The following ZFHX3 variants were observed in gnomAD, a reference collection of about 807,000 sequenced individuals.
The protein encoded by ZFHX3 is zinc finger homeobox 3.
A neutral mutation model predicts 279.1 loss-of-function variants in ZFHX3; 42 were observed. That is an observed-to-expected ratio of 0.15 (90% CI 0.12 to 0.19). The LOEUF is 0.19. ZFHX3 is among the 10% of genes least tolerant of loss of function. ZFHX3 has a pLI of 1.00. For missense variants in ZFHX3, 4,981 were observed against 4,754.0 expected, an observed-to-expected ratio of 1.05 and a Z score of -1.40; for synonymous variants, 2,293 against 1,957.8, an observed-to-expected ratio of 1.17 and a Z score of -4.52.
chr16:72,887,050 T>C (rs904229718), intron 4 of ZFHX3, among the ~76,000 whole-genome samples: 2 of 152,194 alleles, frequency 1.3e-5, no homozygotes, highest in African/African-American at 4.8e-5. Context: ...GAACAAACAA[T>C]TTCTACTGAC....
intron 1 of ZFHX3, among the ~76,000 whole-genome samples, chr16:73,686,385 C>T (rs556999455): frequency 6.6e-6 from 1 of 152,336 alleles, no homozygotes; most frequent in Admixed American, 6.5e-5. Flanking sequence ...AGCCACCACG[C>T]CTGGTCATAT....
At chr16:73,315,376 T>C (rs2015422444) in intron 4 of ZFHX3, among the ~76,000 whole-genome samples, 1 of 152,214 alleles carries the variant, frequency 6.6e-6, no homozygotes, top group South Asian at 2.1e-4. Context: ...CAGCAATTTC[T>C]ATAGTAAAGT....
At chr16:73,141,032 A>C (rs933344295) in intron 6 of ZFHX3, among the ~76,000 whole-genome samples, 1 of 152,168 alleles carries the variant, frequency 6.6e-6, no homozygotes, top group Non-Finnish European at 1.5e-5. Context: ...ATCTTGTAAT[A>C]TGCTGCCACT....
chr16:72,788,770 A>G lies in ZFHX3; in HGVS notation c.9506T>C (p.Leu3169Ser). Reference sequence around the variant, plus strand: ...CGACGCTGAGGACGGTTTATTTGGTAATCCAGAAGTGGGGAGGCCAGGGGA... The same window carrying G: ...CGACGCTGAGGACGGTTTATTTGGTGATCCAGAAGTGGGGAGGCCAGGGGA... ...VPSPGLPTSGLPNKPSSASLS... is the reference protein window; with the variant it reads ...VPSPGLPTSGSPNKPSSASLS... The change falls in exon 10 of 10, where the codon TTA becomes TCA. Residue 3169 changes from leucine to serine, a missense_variant. Around this residue, in one of 7 missense-constraint regions of ZFHX3, gnomAD observed 1,034 missense variants for 786.0 expected, o/e 1.32. Transcript: ENST00000268489. The G allele has an allele frequency of 1.3e-6, 2 of 1,560,100 alleles. No individual in the cohort carries two copies. Among genetic ancestry groups the G allele is most frequent in the Non-Finnish European group, 1.7e-6 (2 of 1,155,212 alleles).
intron 1 of ZFHX3, among the ~76,000 whole-genome samples, chr16:73,771,126 C>T (rs12598508): frequency 0.59 from 89,778 of 152,000 alleles, 26,501 homozygotes; most frequent in Middle Eastern, 0.62. Flanking sequence ...GGGGTGATGA[C>T]GGGAAAATGC....
intron 1 of ZFHX3, among the ~76,000 whole-genome samples, chr16:73,889,642 C>T (rs1265933797): frequency 6.6e-6 from 1 of 152,174 alleles, no homozygotes; most frequent in South Asian, 2.1e-4. Context: ...TGGATTCATG[C>T]GCTGTTGTTT....
At chr16:73,442,121 A>G (rs1473315598) in intron 3 of ZFHX3, among the ~76,000 whole-genome samples, 2 of 152,256 alleles carry the variant, frequency 1.3e-5, no homozygotes, top group African/African-American at 4.8e-5. Flanking sequence ...ACAGATGACC[A>G]GAATGAAAGA....
chr16:73,587,281 C>G (rs1411428884), intron 2 of ZFHX3, among the ~76,000 whole-genome samples: 1 of 152,140 alleles, frequency 6.6e-6, no homozygotes, highest in Non-Finnish European at 1.5e-5. Context: ...AATATACCAG[C>G]AGATAAGAGA....
chr16:73,258,461 TGCCTCA>T (rs2013723579), intron 4 of ZFHX3, among the ~76,000 whole-genome samples: 1 of 152,018 alleles, frequency 6.6e-6, no homozygotes, highest in African/African-American at 2.4e-5. Flanking sequence ...GCCATTCTCC[TGCCTCA>T]GCCTCCCGAG....
chr16:73,566,511 C>T (rs74949652), intron 2 of ZFHX3, among the ~76,000 whole-genome samples: 1,534 of 152,176 alleles, frequency 0.01, 30 homozygotes, highest in African/African-American at 0.034. Context: ...GTGTCCTTTG[C>T]ACTCCTTGGC....
chr16:73,301,405 T>A (rs2015052622), intron 4 of ZFHX3, among the ~76,000 whole-genome samples: 1 of 152,182 alleles, frequency 6.6e-6, no homozygotes, highest in Admixed American at 6.5e-5. Flanking sequence ...TCTACTGACA[T>A]TTCAGACAGG....
intron 2 of ZFHX3, among the ~76,000 whole-genome samples, chr16:73,498,133 T>C (rs2019172547): frequency 6.6e-6 from 1 of 152,264 alleles, no homozygotes; most frequent in Non-Finnish European, 1.5e-5. Context: ...GCCTTCTAAA[T>C]GTTTTTATCC....
intron 1 of ZFHX3, among the ~76,000 whole-genome samples, chr16:73,887,570 A>C (rs1014478081): frequency 1.3e-5 from 2 of 152,204 alleles, no homozygotes; most frequent in African/African-American, 4.8e-5. Context: ...CAACAAAAAA[A>C]AGCAGGCTCT....
At chr16:72,940,811 C>G (rs1596988501) in intron 3 of ZFHX3, among the ~76,000 whole-genome samples, 1 of 152,244 alleles carries the variant, frequency 6.6e-6, no homozygotes, top group Non-Finnish European at 1.5e-5. Flanking sequence ...CAAACACTAT[C>G]AGTAGATAAA....
At chr16:73,298,333 T>A (rs113601040) in intron 4 of ZFHX3, among the ~76,000 whole-genome samples, 4 of 151,728 alleles carry the variant, frequency 2.6e-5, no homozygotes, top group Admixed American at 2.0e-4. Context: ...TACAGGTATG[T>A]GCCACCATGC....
intron 2 of ZFHX3, among the ~76,000 whole-genome samples, chr16:73,574,349 C>A (rs535396517): frequency 6.6e-6 from 1 of 152,186 alleles, no homozygotes; most frequent in South Asian, 2.1e-4. Flanking sequence ...TCTTGGGCCC[C>A]CCCCAGCATC....
In ZFHX3 at chr16:73,850,960, C is replaced by A. The variant is rs73603540; in HGVS notation, c.-1608+40691G>T. Among the ~76,000 whole-genome samples, 264 of 152,254 alleles carry A rather than the reference C, an allele frequency of 1.7e-3. 1 individual carries two copies. Among genetic ancestry groups the A allele is most frequent in the Middle Eastern group, 6.8e-3 (2 of 294 alleles). ...CCACCAACAAGGGTGATCTCTGGGG[C>A]AAAACATAAAACTGTATGCCACCTC... On this transcript the variant is annotated intron_variant, in intron 1 of 17. Transcript: ENST00000641206.
At chr16:73,102,449 C>G (rs548022177) in intron 7 of ZFHX3, among the ~76,000 whole-genome samples, 101 of 152,324 alleles carry the variant, frequency 6.6e-4, no homozygotes, top group African/African-American at 2.4e-3. Flanking sequence ...TTGCTTTTCT[C>G]TAGCATAGGA....
Position 73,276,764 on chromosome 16 carries a change from G to C in ZFHX3, c.-1193-19628C>G, listed in dbSNP as rs1461675680. The stretch of plus-strand genomic sequence containing the variant: ...GAAATGCTTTCATATTCTCACAAGG[G>C]AACCACTTAAGACAAATGTCAAATT... On this transcript the variant is annotated intron_variant, in intron 4 of 17. Transcript: ENST00000641206. 3.9e-5 allele frequency among the ~76,000 whole-genome samples: 6 copies of C among 152,080 alleles called. No individual in the cohort carries two copies. The East Asian group carries it at 1.2e-3, about 29-fold the overall frequency.
Sources: allele counts gnomAD v4.1 joint callset (sites outside exome capture counted in the v4.1 genomes callset), GRCh38; gene constraint gnomAD v4.1.1; regional missense constraint gnomAD v4.1.1; transcripts MANE v1.5; gene names NCBI Gene and HGNC (gene_info 2026-07-23, HGNC 2026-07-21).